The following LAMA5 variants were observed in gnomAD, a reference collection of about 807,000 sequenced individuals.
LAMA5 encodes the protein laminin subunit alpha-5.
Under a neutral mutation model 433.4 loss-of-function variants are expected in LAMA5, and 260 were observed. That is an observed-to-expected ratio of 0.60 (90% CI 0.54 to 0.66). The LOEUF (loss-of-function observed/expected upper bound fraction) is 0.66. Ranked by LOEUF, LAMA5 falls within the 30% of genes least tolerant of loss-of-function variation. The pLI is 0.00. For synonymous variants in LAMA5, 2,620 were observed against 2,226.6 expected, an observed-to-expected ratio of 1.18 and a Z score of -4.97; for missense variants, 5,378 against 5,258.5, an observed-to-expected ratio of 1.02 and a Z score of -0.70.
chr20:62,320,426 ACTCTCGAG>A, intron 50 of LAMA5, 125 bp downstream of exon 50: 1 of 654,918 alleles, frequency 1.5e-6, no homozygotes, highest in Non-Finnish European at 2.7e-6. Context: ...AACCCCTAAG[ACTCTCGAG>A]CTCCTGTCCC....
rs984440507 is a variant in LAMA5, at chr20:62,317,359, T to A, written c.7497A>T (p.Ala2499=). 17 of 1,607,670 alleles carry A rather than the reference T, an allele frequency of 1.1e-5. No individual in the cohort carries two copies. The Admixed American group carries it at 1.8e-4, about 17-fold the overall frequency. ...TGGCCACCCACCTGGACAGATTGAG[T>A]GCCAGCTGGCCCAGCTGCTGTGCGT... The part of the protein sequence containing the change: ...EAHAQQLGQL[A]LNLSSIILDV... Residue 2499 remains alanine (A), a synonymous_variant, in exon 55 of 80, where the codon GCA becomes GCT. Coordinates refer to ENST00000252999, the MANE Select transcript of LAMA5 (RefSeq NM_005560.6).
chr20:62,361,792 C>G (rs1986157162), intron 2 of LAMA5, among the ~76,000 whole-genome samples: 1 of 152,210 alleles, frequency 6.6e-6, no homozygotes, highest in Non-Finnish European at 1.5e-5. Flanking sequence ...TGGGGGTGCT[C>G]AGGGCTGGCA....
chr20:62,346,042 G>A lies in LAMA5; in HGVS notation c.1417+39C>T, dbSNP rs144367222. 44 of 1,610,416 alleles carry A rather than the reference G, an allele frequency of 2.7e-5. No individual in the cohort carries two copies. In the African/African-American group the frequency reaches 4.9e-4, roughly 18 times the overall value. ...CTGCAGGGCTCCCGGAGTCCAGCAGGCAGTGGTGTCTGTTTGGATGCCCCT... is the reference window on the plus strand; with the variant it reads ...CTGCAGGGCTCCCGGAGTCCAGCAGACAGTGGTGTCTGTTTGGATGCCCCT... On this transcript the variant is annotated intron_variant, in intron 10 of 79. Transcript: ENST00000252999.
At chr20:62,330,449 T>A (rs755487227) in intron 31 of LAMA5, 39 bp downstream of exon 31, 2 of 1,491,368 alleles carry the variant, frequency 1.3e-6, no homozygotes, top group Admixed American at 4.8e-5. Context: ...AGCCTCATCG[T>A]GTGTGGTAGC....
rs1208097323 is a variant in LAMA5, at chr20:62,332,290, A to G, written c.3552+82T>C. 7.8e-6 allele frequency: 8 copies of G among 1,026,216 alleles called. No individual in the cohort carries two copies. In the Admixed American group the frequency reaches 1.4e-4, roughly 18 times the overall value. The allele number at this position is 1,026,216 out of a possible 1,614,324, so 63.6% of individuals were successfully genotyped here. ...GCCGCCTTGGGGACCTGGGACCCCAACTGTCCTCTCCCCTCTCATGCATGT... is the reference window on the plus strand; with the variant it reads ...GCCGCCTTGGGGACCTGGGACCCCAGCTGTCCTCTCCCCTCTCATGCATGT... On this transcript the variant is annotated intron_variant, in intron 28 of 79. Transcript: ENST00000252999.
intron 2 of LAMA5, among the ~76,000 whole-genome samples, chr20:62,357,467 C>A (rs1165738852): frequency 1.3e-5 from 2 of 152,184 alleles, no homozygotes; most frequent in Non-Finnish European, 2.9e-5. Flanking sequence ...CGAAGAGACC[C>A]CATCTGGAAA....
intron 20 of LAMA5, 44 bp downstream of exon 20, chr20:62,334,977 G>A (rs1481685084): frequency 1.9e-6 from 3 of 1,573,768 alleles, no homozygotes; most frequent in Non-Finnish European, 2.6e-6. Context: ...CATAAACCGA[G>A]GGGAGGCAGG....
chr20:62,349,137 G>T (rs1983800980), intron 6 of LAMA5, among the ~76,000 whole-genome samples: 1 of 151,964 alleles, frequency 6.6e-6, no homozygotes, highest in African/African-American at 2.4e-5. Context: ...CAGGCGTGGT[G>T]GTGGGTGCCT....
At chr20:62,339,231 C>CTTTTTT (rs151158845) in intron 11 of LAMA5, among the ~76,000 whole-genome samples, 4 of 55,960 alleles carry the variant, frequency 7.1e-5, no homozygotes, top group Admixed American at 2.9e-4. Flanking sequence ...ATTATAGTTT[C>CTTTTTT]TTTTTTTTTT....
rs1979871246 is a variant in LAMA5, at chr20:62,329,181, A to G, written c.4192T>C (p.Tyr1398His). 1 of 1,612,886 alleles carries G rather than the reference A, an allele frequency of 6.2e-7. No individual in the cohort carries two copies. Among genetic ancestry groups the G allele is most frequent in the Non-Finnish European group, 8.5e-7 (1 of 1,179,914 alleles). Residue 1398 changes from tyrosine (Y) to histidine (H), a missense_variant, in exon 33 of 80, where the codon TAT becomes CAT. By Grantham distance (83) the Tyr-to-His change is moderately conservative. Transcript: ENST00000252999. ...GCTGCGCAGTGGCTGATGAAGTCAT[A>G]GGATTTATCCAGGGGCTCCTCCCGG... Reference protein sequence around the residue: ...YLREEPLDKSYDFISHCAAQG... With the variant: ...YLREEPLDKSHDFISHCAAQG...
In LAMA5 at chr20:62,330,039, G is replaced by A. The variant is rs368583568; in HGVS notation, c.3980-123C>T. The A allele has an allele frequency of 4.3e-5, 59 of 1,372,282 alleles. No individual in the cohort carries two copies. The African/African-American group carries it at 4.9e-4, about 11-fold the overall frequency. The allele number at this position is 1,372,282 out of a possible 1,614,324, so 85.0% of individuals were successfully genotyped here. On this transcript the variant is annotated intron_variant, in intron 31 of 79. Coordinates refer to ENST00000252999, the MANE Select transcript of LAMA5 (RefSeq NM_005560.6). Reference sequence around the variant, plus strand: ...CCCGCTGGCCAACGGCCACAGGCACGGGACGTGCCCAAGAGGTCTGCAAGG... The same window carrying A: ...CCCGCTGGCCAACGGCCACAGGCACAGGACGTGCCCAAGAGGTCTGCAAGG...
At chr20:62,317,094 C>G (rs373189894) in intron 55 of LAMA5, 71 bp from the exon 56 acceptor site, 3 of 1,453,762 alleles carry the variant, frequency 2.1e-6, no homozygotes, top group African/African-American at 2.8e-5. Flanking sequence ...CAGCCTCCTG[C>G]GCTCACAACC....
At chr20:62,347,126 T>C in intron 6 of LAMA5, 98 bp from the exon 7 acceptor site, 2 of 900,186 alleles carry the variant, frequency 2.2e-6, no homozygotes, top group Non-Finnish European at 3.5e-6. Context: ...CCTCGATGGC[T>C]TGGCTTGCCA....
intron 50 of LAMA5, 57 bp from the exon 51 acceptor site, chr20:62,319,852 A>G: frequency 7.2e-7 from 1 of 1,398,474 alleles, no homozygotes. Context: ...CGGGGTGGCA[A>G]GGGAGGGCCT....
At chr20:62,352,404 A>T in intron 3 of LAMA5, 44 bp from the exon 4 acceptor site, 1 of 1,514,982 alleles carries the variant, frequency 6.6e-7, no homozygotes. Context: ...TCACCAGAAA[A>T]GCCTGGGTCC....
In LAMA5 at chr20:62,316,721, C is replaced by A. The variant is rs200192634; in HGVS notation, c.7706G>T (p.Ser2569Ile). The change falls in exon 57 of 80, where the codon AGC (serine) becomes ATC (isoleucine). Residue 2569 changes from serine (S) to isoleucine (I), a missense_variant. By Grantham distance (142) the Ser-to-Ile change is moderately radical. Transcript: ENST00000252999. ...GAGCATGGCCTCTTCTAGTGCAGTG[C>A]TGTTGGCCAGGAGCTGCTGGGCTCG... Reference protein sequence around the residue: ...VDRAQQLLANSTALEEAMLQE... With the variant: ...VDRAQQLLANITALEEAMLQE... The A allele has an allele frequency of 1.2e-6, 2 of 1,609,824 alleles. No homozygotes were observed. The highest frequency in any genetic ancestry group is 4.5e-5 in the East Asian group (2 of 44,820).
rs79033839 is a variant in LAMA5, at chr20:62,355,027, C to T, written c.451-1776G>A. On this transcript the variant is annotated intron_variant, in intron 2 of 79. Transcript: ENST00000252999. ...GTGGCCTGCCTGTCCCGGCCCACAC[C>T]TCCCCTGACGGGCCCACAGGGTCCA... Among the ~76,000 whole-genome samples, 80 of 152,350 alleles carry T rather than the reference C, an allele frequency of 5.3e-4. No homozygotes were observed. The East Asian group carries it at 0.014, about 27-fold the overall frequency.
chr20:62,310,897 C>G lies in LAMA5; in HGVS notation c.10281+5G>C. On this transcript the variant is annotated splice_donor_5th_base_variant and intron_variant, in intron 74 of 79. Transcript: ENST00000252999. ...CCCACCACCTTCCTTCTTCTCGGCC[C>G]TCACCTTGTGCCAGCGGCCAGGCCG... 6.2e-7 allele frequency: 1 copy of G among 1,609,984 alleles called. No homozygotes were observed. The highest frequency in any genetic ancestry group is 1.3e-5 in the African/African-American group (1 of 75,016).
intron 16 of LAMA5, chr20:62,337,082 G>A (rs183354709): frequency 1.4e-5 from 9 of 621,210 alleles, no homozygotes; most frequent in Middle Eastern, 2.5e-4. Flanking sequence ...GCACACAAAC[G>A]CACGTGAAGA....
Sources: allele counts gnomAD v4.1 joint callset (sites outside exome capture counted in the v4.1 genomes callset), GRCh38; gene constraint gnomAD v4.1.1; transcripts MANE v1.5; gene names NCBI Gene and HGNC (gene_info 2026-07-23, HGNC 2026-07-21).